DOCK8: variants seen among roughly 807,000 people sequenced by gnomAD.
DOCK8 encodes dedicator of cytokinesis protein 8.
A neutral mutation model predicts 245.6 loss-of-function variants in DOCK8; 141 were observed. The observed-to-expected ratio is 0.57, with a 90% CI of 0.50 to 0.66. The LOEUF (loss-of-function observed/expected upper bound fraction) is 0.66. DOCK8 is among the 30% of genes least tolerant of loss of function. The probability of loss-of-function intolerance (pLI) is 0.00; values close to 1 mark genes in which losing one functional copy is unlikely to be tolerated. For synonymous variants in DOCK8, 1,168 were observed against 970.2 expected, an observed-to-expected ratio of 1.20 and a Z score of -3.79; for missense variants, 2,965 against 2,603.4, an observed-to-expected ratio of 1.14 and a Z score of -3.02.
intron 1 of DOCK8, among the ~76,000 whole-genome samples, chr9:236,605 G>T (rs570508336): frequency 6.6e-6 from 1 of 152,150 alleles, no homozygotes; most frequent in African/African-American, 2.4e-5. Context: ...AATTCCAGGA[G>T]CCTGGCTTAA....
At chr9:225,092 G>C (rs1399273576) in intron 1 of DOCK8, among the ~76,000 whole-genome samples, 1 of 152,080 alleles carries the variant, frequency 6.6e-6, no homozygotes, top group Non-Finnish European at 1.5e-5. Context: ...ATATTTTATT[G>C]CCTATGACTT....
rs114835770 is a variant in DOCK8, at chr9:256,713, T to C, written c.54-14914T>C. Among the ~76,000 whole-genome samples, 1,349 of 152,252 alleles carry C rather than the reference T, an allele frequency of 8.9e-3. 12 individuals are homozygous for C. The highest frequency in any genetic ancestry group is 0.03 in the African/African-American group (1,236 of 41,536). ...AGGTACCTATAGTGATAAAACACCCTGAGCTGAAAGGATCGCTGGATAGGG... is the reference window on the plus strand; with the variant it reads ...AGGTACCTATAGTGATAAAACACCCCGAGCTGAAAGGATCGCTGGATAGGG... On this transcript the variant is annotated intron_variant, in intron 1 of 47. Transcript: ENST00000432829.
chr9:422,026 T>A (rs2056299298), intron 32 of DOCK8, 22 bp from the exon 33 acceptor site: 1 of 1,593,706 alleles, frequency 6.3e-7, no homozygotes, highest in Non-Finnish European at 8.6e-7. Context: ...CAAATTCCTA[T>A]CATGCATTTC....
rs779822773 is a variant in DOCK8 at position 317,052 on chromosome 9, G to C, written c.751G>C (p.Val251Leu). ...LYPSVDEEDA[V>L]EIRPVPECPK... is the part of the protein sequence containing the mutation. Reference sequence around the variant, plus strand: ...ATGTGATTAAAAATAGGAGGATGCTGTGGAAATACGTCCAGTACCAGAATG... The same window carrying C: ...ATGTGATTAAAAATAGGAGGATGCTCTGGAAATACGTCCAGTACCAGAATG... Residue 251 changes from valine (V) to leucine (L), a missense_variant, in exon 7 of 48, where the codon GTG (valine) becomes CTG (leucine). Val to Leu is a conservative substitution (Grantham distance 32). This residue lies in a region of DOCK8 where 2,825 missense variants were observed against 2,453.5 expected (regional missense o/e 1.15). Coordinates refer to ENST00000432829, the MANE Select transcript of DOCK8 (RefSeq NM_203447.4). 6.2e-7 allele frequency: 1 copy of C among 1,613,192 alleles called. No homozygotes were observed. Among genetic ancestry groups the C allele is most frequent in the East Asian group, 2.2e-5 (1 of 44,882 alleles).
At chr9:374,348 AAT>A (rs1390385791) in intron 18 of DOCK8, among the ~76,000 whole-genome samples, 1 of 152,152 alleles carries the variant, frequency 6.6e-6, no homozygotes. Context: ...CATGGGGAAA[AAT>A]GTGAAATATT....
At position 426,905 on chromosome 9, in the gene DOCK8, A is replaced by C. The variant is rs758273797; in HGVS notation, c.4262A>C (p.Gln1421Pro). ...KLDKTKAELD[Q>P]EALISGNLAT... ...CCTAGAACAAAGGCCGAGTTAGATC[A>C]AGAAGCCTTGATCAGTGGCAATCTG... The change falls in exon 34 of 48, where the codon CAA becomes CCA. Residue 1421 changes from glutamine (Q) to proline (P), a missense_variant. This residue lies in a region of DOCK8 where 2,825 missense variants were observed against 2,453.5 expected (regional missense o/e 1.15). Transcript: ENST00000432829. 1 of 1,614,166 alleles carries C rather than the reference A, an allele frequency of 6.2e-7. No homozygotes were observed. The highest frequency in any genetic ancestry group is 8.5e-7 in the Non-Finnish European group (1 of 1,180,026).
At position 420,823 on chromosome 9, in the gene DOCK8, G is replaced by A. The variant is rs1220399265; in HGVS notation, c.4024-126G>A. On this transcript the variant is annotated intron_variant, in intron 31 of 47. Transcript: ENST00000432829. ...GTTTTGGCCCATAGGATGCTCCAGA[G>A]CAGCATCTCAGTGAAGCACATGTCA... The A allele has an allele frequency of 3.6e-6, 5 of 1,387,302 alleles. No individual in the cohort carries two copies. The African/African-American group carries it at 4.3e-5, about 12-fold the overall frequency. The allele number at this position is 1,387,302 out of a possible 1,614,324, so 85.9% of individuals were successfully genotyped here.
At chr9:327,393 T>A (rs1416860116) in intron 8 of DOCK8, among the ~76,000 whole-genome samples, 2 of 107,474 alleles carry the variant, frequency 1.9e-5, no homozygotes, top group East Asian at 2.3e-4. Context: ...TTCCCTCACC[T>A]TTTTTTTTTT....
intron 1 of DOCK8, among the ~76,000 whole-genome samples, chr9:245,399 T>C (rs1319600913): frequency 1.3e-5 from 2 of 151,868 alleles, no homozygotes; most frequent in Admixed American, 6.6e-5. Flanking sequence ...GTACAGATGG[T>C]GTTTCACCAT....
intron 27 of DOCK8, among the ~76,000 whole-genome samples, chr9:405,945 C>T (rs945010538): frequency 6.6e-6 from 1 of 152,206 alleles, no homozygotes; most frequent in Admixed American, 6.5e-5. Context: ...CTGGACTAAG[C>T]TTACCCTAGG....
chr9:216,537 C>CAAAAAAAAAGAAAAAAAAAA, intron 1 of DOCK8, among the ~76,000 whole-genome samples: 1 of 88,920 alleles, frequency 1.1e-5, no homozygotes, highest in Non-Finnish European at 2.1e-5. Flanking sequence ...AAAAAACAGA[C>CAAAAAAAAAGAAAAAAAAAA]AAAAAAAAAA....
intron 4 of DOCK8, among the ~76,000 whole-genome samples, chr9:293,101 A>G (rs908156090): frequency 2.6e-5 from 4 of 152,218 alleles, no homozygotes; most frequent in African/African-American, 9.6e-5. Flanking sequence ...GTAATGGAGC[A>G]GTTCCCTTCT....
At position 379,998 on chromosome 9, in the gene DOCK8, G is replaced by C; in HGVS notation, c.2605+63G>C. Reference sequence around the variant, plus strand: ...GCAACACCACCTCCACCCCACTGCAGTGTAATCCAAAATAAAACATCCTAT... The same window carrying C: ...GCAACACCACCTCCACCCCACTGCACTGTAATCCAAAATAAAACATCCTAT... On this transcript the variant is annotated intron_variant, in intron 21 of 47. Coordinates refer to ENST00000432829, the MANE Select transcript of DOCK8 (RefSeq NM_203447.4). 11 of 1,560,670 alleles carry C rather than the reference G, an allele frequency of 7.0e-6. 1 individual carries two copies. Among genetic ancestry groups the C allele is most frequent in the Non-Finnish European group, 1.7e-6 (2 of 1,150,768 alleles).
At position 450,992 on chromosome 9, in the gene DOCK8, CTAT is replaced by C. The variant is rs1289349245; in HGVS notation, c.5962-1013_5962-1011del. 3.3e-5 allele frequency among the ~76,000 whole-genome samples: 5 copies of C among 152,036 alleles called. No individual in the cohort carries two copies. In the East Asian group the frequency reaches 7.7e-4, roughly 23 times the overall value. ...ATTACACTTATATATGAATGAAAATCTATTATTAGTAGTATTTGATTGATAAAA... is the reference window on the plus strand; with the variant it reads ...ATTACACTTATATATGAATGAAAATCTATTAGTAGTATTTGATTGATAAAA... On this transcript the variant is annotated intron_variant, in intron 45 of 47. Transcript: ENST00000432829.
rs1563993364 is a variant in DOCK8, at chr9:386,320, G to A, written c.2779-11G>A. On this transcript the variant is annotated splice_polypyrimidine_tract_variant and intron_variant, in intron 22 of 47. Transcript: ENST00000432829. Reference sequence around the variant, plus strand: ...TTGGTTGACTGTTAAGCCATGGTTTGTGTATTTTAGATCGCCGATCGCAAC... The same window carrying A: ...TTGGTTGACTGTTAAGCCATGGTTTATGTATTTTAGATCGCCGATCGCAAC... 2 of 1,612,036 alleles carry A rather than the reference G, an allele frequency of 1.2e-6. No individual in the cohort carries two copies. Among genetic ancestry groups the A allele is most frequent in the South Asian group, 2.2e-5 (2 of 90,994 alleles).
intron 1 of DOCK8, among the ~76,000 whole-genome samples, chr9:229,140 A>G (rs1051146969): frequency 1.3e-5 from 2 of 152,220 alleles, no homozygotes; most frequent in Non-Finnish European, 2.9e-5. Context: ...GGAGAATAGA[A>G]TCAACCTATT....
At chr9:246,518 A>G (rs1473054453) in intron 1 of DOCK8, among the ~76,000 whole-genome samples, 2 of 152,148 alleles carry the variant, frequency 1.3e-5, no homozygotes, top group Admixed American at 1.3e-4. Flanking sequence ...CTGTCTCAGG[A>G]AAAAAGGAGG....
At chr9:400,112 C>G (rs1362987487) in intron 26 of DOCK8, among the ~76,000 whole-genome samples, 1 of 102,570 alleles carries the variant, frequency 9.7e-6, no homozygotes, top group African/African-American at 5.7e-5. Flanking sequence ...ACCACCTCCA[C>G]CACCACCAGC....
At chr9:304,095 G>A (rs2049691492) in intron 4 of DOCK8, among the ~76,000 whole-genome samples, 2 of 152,198 alleles carry the variant, frequency 1.3e-5, no homozygotes, top group Admixed American at 1.3e-4. Context: ...GATTGAGGAT[G>A]TTTGCAAAGT....
Sources: gnomAD v4.1 joint callset for allele counts (sites outside exome capture counted in the v4.1 genomes callset) on GRCh38, gnomAD v4.1.1 for gene constraint, gnomAD v4.1.1 regional missense constraint, MANE v1.5 for transcripts, NCBI Gene and HGNC (gene_info 2026-07-23, HGNC 2026-07-21) for gene names.